POU6F2: variants seen among roughly 807,000 people sequenced by gnomAD.
POU6F2 encodes POU domain, class 6, transcription factor 2.
A neutral mutation model predicts 71.3 loss-of-function variants in POU6F2; 31 were observed. The observed-to-expected ratio is 0.43, with a 90% CI of 0.33 to 0.59. The LOEUF (loss-of-function observed/expected upper bound fraction) is 0.59. Ranked by LOEUF, POU6F2 falls within the 20% of genes least tolerant of loss-of-function variation. POU6F2 has a pLI of 0.04. For synonymous variants in POU6F2, 347 were observed against 355.7 expected, an observed-to-expected ratio of 0.98 and a Z score of 0.27; for missense variants, 783 against 856.8, an observed-to-expected ratio of 0.91 and a Z score of 1.07.
chr7:39,217,903 T>C (rs984634947), intron 4 of POU6F2, among the ~76,000 whole-genome samples: 1 of 152,172 alleles, frequency 6.6e-6, no homozygotes, highest in Non-Finnish European at 1.5e-5. Context: ...GTATGACTAG[T>C]ATACTGCGTA....
intron 6 of POU6F2, among the ~76,000 whole-genome samples, chr7:39,428,807 C>G (rs1207276799): frequency 6.6e-6 from 1 of 151,950 alleles, no homozygotes. Context: ...AAGTTCATGT[C>G]CTTTGTAGGG....
chr7:39,148,611 A>T (rs1792673163), intron 2 of POU6F2, among the ~76,000 whole-genome samples: 1 of 151,510 alleles, frequency 6.6e-6, no homozygotes, highest in Admixed American at 6.6e-5. Flanking sequence ...GGTGATGATG[A>T]TAATGATGAT....
intron 6 of POU6F2, among the ~76,000 whole-genome samples, chr7:39,429,371 A>T (rs2116010930): frequency 6.6e-6 from 1 of 152,242 alleles, no homozygotes; most frequent in East Asian, 1.9e-4. Flanking sequence ...GAAGTGACTC[A>T]TTCATTCCCA....
At chr7:39,146,327 G>C (rs942522732) in intron 2 of POU6F2, among the ~76,000 whole-genome samples, 3 of 152,198 alleles carry the variant, frequency 2.0e-5, no homozygotes, top group Non-Finnish European at 4.4e-5. Context: ...AGGAAGCAAA[G>C]GGTGCCTGAG....
chr7:39,330,854 A>G (rs1785631239), intron 4 of POU6F2, among the ~76,000 whole-genome samples: 1 of 152,124 alleles, frequency 6.6e-6, no homozygotes, highest in South Asian at 2.1e-4. Flanking sequence ...CAGTCACCCT[A>G]CTGTGCAACA....
intron 4 of POU6F2, among the ~76,000 whole-genome samples, chr7:39,253,953 G>A (rs1209891273): frequency 1.3e-5 from 2 of 152,156 alleles, no homozygotes; most frequent in Non-Finnish European, 2.9e-5. Flanking sequence ...CCAACTATAA[G>A]GAGTTGTCAT....
intron 4 of POU6F2, among the ~76,000 whole-genome samples, chr7:39,242,505 G>A (rs1044844994): frequency 1.3e-5 from 2 of 150,114 alleles, no homozygotes; most frequent in African/African-American, 4.9e-5. Context: ...TGTCTACTCT[G>A]TATCTTTTTC....
chr7:38,999,171 T>C (rs1441757269), intron 1 of POU6F2, among the ~76,000 whole-genome samples: 1 of 152,166 alleles, frequency 6.6e-6, no homozygotes, highest in African/African-American at 2.4e-5. Context: ...TACATGACAT[T>C]TGAAAAATGT....
chr7:39,076,182 C>T (rs927278228), intron 1 of POU6F2, among the ~76,000 whole-genome samples: 12 of 151,872 alleles, frequency 7.9e-5, no homozygotes, highest in African/African-American at 2.7e-4. Flanking sequence ...TTCTCCCTTC[C>T]CTTCCCTTCT....
Position 39,195,296 on chromosome 7 carries a change from G to T in POU6F2, c.278-8939G>T, listed in dbSNP as rs181046175. ...AGAACCACTGTCTTCTGTGTTGAAG[G>T]TCTCTGAGGTCTTGTACCATGCATA... On this transcript the variant is annotated intron_variant, in intron 2 of 9. Coordinates refer to ENST00000518318, the MANE Select transcript of POU6F2 (RefSeq NM_001370959.1). Among the ~76,000 whole-genome samples, 14 of 152,296 alleles carry T rather than the reference G, an allele frequency of 9.2e-5. No individual in the cohort carries two copies. The East Asian group carries it at 2.7e-3, about 29-fold the overall frequency.
At chr7:39,407,635 C>T (rs1052263146) in intron 6 of POU6F2, among the ~76,000 whole-genome samples, 1 of 151,856 alleles carries the variant, frequency 6.6e-6, no homozygotes, top group East Asian at 1.9e-4. Context: ...AAAGACTTTT[C>T]CCCCCAGCCT....
intron 1 of POU6F2, among the ~76,000 whole-genome samples, chr7:39,012,781 G>A (rs1308612134): frequency 5.3e-5 from 8 of 150,390 alleles, no homozygotes; most frequent in Non-Finnish European, 1.2e-4. Flanking sequence ...GGAATACCCT[G>A]CCGTGTGAGG....
intron 8 of POU6F2, among the ~76,000 whole-genome samples, chr7:39,451,939 C>G (rs1006239229): frequency 6.6e-6 from 1 of 152,174 alleles, no homozygotes; most frequent in Non-Finnish European, 1.5e-5. Flanking sequence ...TATCAAGGAC[C>G]GGGTTCCATC....
intron 4 of POU6F2, among the ~76,000 whole-genome samples, chr7:39,252,759 C>T (rs1023157175): frequency 2.6e-5 from 4 of 152,128 alleles, no homozygotes; most frequent in Non-Finnish European, 5.9e-5. Context: ...CTGGCTCAGT[C>T]CCTCCAGAGG....
At chr7:39,234,931 G>A (rs901567791) in intron 4 of POU6F2, among the ~76,000 whole-genome samples, 1 of 152,140 alleles carries the variant, frequency 6.6e-6, no homozygotes, top group African/African-American at 2.4e-5. Flanking sequence ...TTCCTCCCTA[G>A]GCGTGGCTTT....
In POU6F2 at chr7:39,288,079, G is replaced by A. The variant is rs993553101; in HGVS notation, c.599-51563G>A. The stretch of plus-strand genomic sequence containing the variant: ...TTTGCCTAAATAAGATCAAAGAGCA[G>A]GTACATTTTAAACACTAAAAAATAA... On this transcript the variant is annotated intron_variant, in intron 4 of 9. Transcript: ENST00000518318. Among the ~76,000 whole-genome samples, 7 of 152,222 alleles carry A rather than the reference G, an allele frequency of 4.6e-5. No homozygotes were observed. In the East Asian group the frequency reaches 1.3e-3, roughly 29 times the overall value.
intron 2 of POU6F2, among the ~76,000 whole-genome samples, chr7:39,113,415 A>T (rs572485514): frequency 6.6e-6 from 1 of 152,288 alleles, no homozygotes; most frequent in Non-Finnish European, 1.5e-5. Context: ...ACCAAGGGAA[A>T]AACAAACTTC....
At chr7:39,263,708 A>T (rs956505478) in intron 4 of POU6F2, among the ~76,000 whole-genome samples, 1 of 152,038 alleles carries the variant, frequency 6.6e-6, no homozygotes, top group Non-Finnish European at 1.5e-5. Flanking sequence ...GCCCCACTTC[A>T]TCTTTCTAAT....
intron 5 of POU6F2, among the ~76,000 whole-genome samples, chr7:39,401,057 C>T (rs990402361): frequency 2.1e-4 from 32 of 152,240 alleles, no homozygotes; most frequent in Admixed American, 1.9e-3. Context: ...GGGCCAGGCT[C>T]CTCCCTGCTG....
Sources: allele counts gnomAD v4.1 joint callset (sites outside exome capture counted in the v4.1 genomes callset), GRCh38; gene constraint gnomAD v4.1.1; transcripts MANE v1.5; gene names NCBI Gene and HGNC (gene_info 2026-07-23, HGNC 2026-07-21).